CFDP1: variants seen among roughly 807,000 people sequenced by gnomAD.
CFDP1 encodes chromatin remodeling protein CFDP1, also known as heterochromatin-stabilizing protein CFDP1.
In CFDP1, 31 loss-of-function variants were observed where a neutral mutation model predicts 40.1. That is an observed-to-expected ratio of 0.77 (90% CI 0.58 to 1.04). The LOEUF is 1.04. Ranked by LOEUF, CFDP1 falls within the 50% of genes least tolerant of loss-of-function variation. The pLI, the probability that CFDP1 is intolerant of heterozygous loss-of-function variation, is 0.00. For missense variants in CFDP1, 423 were observed against 343.4 expected (o/e 1.23, Z -1.83); for synonymous variants, 167 against 120.0 (o/e 1.39, Z -2.56).
chr16:75,392,536 C>G (rs1214867292), intron 5 of CFDP1, among the ~76,000 whole-genome samples: 1 of 152,190 alleles, frequency 6.6e-6, no homozygotes, highest in Admixed American at 6.5e-5. Context: ...CTCCCTCTGT[C>G]GCCCAGGCGG....
intron 5 of CFDP1, among the ~76,000 whole-genome samples, chr16:75,336,854 T>C (rs1001848310): frequency 6.6e-6 from 1 of 152,254 alleles, no homozygotes; most frequent in Non-Finnish European, 1.5e-5. Context: ...TTTGTCTCTT[T>C]ATTAACAAAA....
Position 75,402,524 on chromosome 16 carries a change from A to G in CFDP1, c.531-7315T>C, listed in dbSNP as rs1004834830. On this transcript the variant is annotated intron_variant, in intron 4 of 6. Transcript: ENST00000283882. ...CAAAATGAAATGATCAAAGCCCAAA[A>G]TTTAACATTAAAATACAGTTAGAAA... Among the ~76,000 whole-genome samples the G allele has an allele frequency of 1.3e-5, 2 of 152,218 alleles. 1 individual carries two copies. Among genetic ancestry groups the G allele is most frequent in the South Asian group, 4.1e-4 (2 of 4,832 alleles).
chr16:75,419,424 G>A (rs925693193), intron 1 of CFDP1, among the ~76,000 whole-genome samples: 1 of 152,158 alleles, frequency 6.6e-6, no homozygotes, highest in Admixed American at 6.5e-5. Context: ...AAATACAGAA[G>A]AACCACAGAA....
At chr16:75,342,475 G>A (rs1756214312) in intron 5 of CFDP1, among the ~76,000 whole-genome samples, 1 of 152,160 alleles carries the variant, frequency 6.6e-6, no homozygotes, top group African/African-American at 2.4e-5. Context: ...CAGAAAGGCT[G>A]TAAAAGTTTG....
At chr16:75,405,520 G>T (rs1320931093) in intron 4 of CFDP1, among the ~76,000 whole-genome samples, 3 of 151,858 alleles carry the variant, frequency 2.0e-5, no homozygotes, top group African/African-American at 7.3e-5. Flanking sequence ...GGCTGAGGCG[G>T]GCAGATCATA....
intron 6 of CFDP1, among the ~76,000 whole-genome samples, chr16:75,295,656 G>A (rs1195341304): frequency 1.3e-5 from 2 of 152,180 alleles, no homozygotes; most frequent in Non-Finnish European, 2.9e-5. Flanking sequence ...CCGTCAATGA[G>A]GCCAGAATGG....
chr16:75,372,863 G>A (rs183497038), intron 5 of CFDP1, among the ~76,000 whole-genome samples: 372 of 152,238 alleles, frequency 2.4e-3, no homozygotes, highest in Non-Finnish European at 4.3e-3. Context: ...TGTGAGGGAG[G>A]AGAAAATAAA....
At chr16:75,433,008 C>T (rs942331036) in intron 1 of CFDP1, among the ~76,000 whole-genome samples, 1 of 152,208 alleles carries the variant, frequency 6.6e-6, no homozygotes, top group South Asian at 2.1e-4. Flanking sequence ...GACCGACGAG[C>T]GTCCCTAGCG....
At chr16:75,381,177 C>T (rs2078848914) in intron 5 of CFDP1, 1 of 152,050 alleles carries the variant, frequency 6.6e-6, no homozygotes, top group Non-Finnish European at 1.5e-5. Context: ...GAATGTAAGA[C>T]CCAGGGCCAG....
rs559675421 is a variant in CFDP1 at position 75,344,709 on chromosome 16, G to A, written c.651-39527C>T. Reference sequence around the variant, plus strand: ...AGCACTTTAGGAGGCCCAGATGGGTGGATCACAAGGTCAGGAGTTTGATAC... The same window carrying A: ...AGCACTTTAGGAGGCCCAGATGGGTAGATCACAAGGTCAGGAGTTTGATAC... On this transcript the variant is annotated intron_variant, in intron 5 of 6. Transcript: ENST00000283882. 3.9e-5 allele frequency among the ~76,000 whole-genome samples: 6 copies of A among 152,224 alleles called. No individual in the cohort carries two copies. The East Asian group carries it at 1.2e-3, about 29-fold the overall frequency.
At chr16:75,301,197 G>A (rs991275327) in intron 6 of CFDP1, among the ~76,000 whole-genome samples, 12 of 152,112 alleles carry the variant, frequency 7.9e-5, no homozygotes, top group African/African-American at 2.9e-4. Flanking sequence ...CAATAATCAC[G>A]AGAGGTATAT....
At chr16:75,321,610 T>C (rs2078364080) in intron 5 of CFDP1, among the ~76,000 whole-genome samples, 1 of 152,184 alleles carries the variant, frequency 6.6e-6, no homozygotes, top group Non-Finnish European at 1.5e-5. Flanking sequence ...TTTCTGCCTC[T>C]AGTGATAAGC....
At chr16:75,361,330 T>C (rs4888389) in intron 5 of CFDP1, among the ~76,000 whole-genome samples, 78,878 of 151,978 alleles carry the variant, frequency 0.52, 21,535 homozygotes, top group Admixed American at 0.64. Context: ...ATTGTTTAAA[T>C]TTAAAGCCGG....
At chr16:75,366,329 T>C (rs2078713420) in intron 5 of CFDP1, among the ~76,000 whole-genome samples, 1 of 152,236 alleles carries the variant, frequency 6.6e-6, no homozygotes, top group South Asian at 2.1e-4. Context: ...CATTCATTTT[T>C]GGATGAACTT....
At chr16:75,390,655 C>T (rs1303966543) in intron 5 of CFDP1, among the ~76,000 whole-genome samples, 1 of 152,180 alleles carries the variant, frequency 6.6e-6, no homozygotes, top group Non-Finnish European at 1.5e-5. Flanking sequence ...TTTAATAAGC[C>T]TCAGAGGGCA....
rs1380127684 is a variant in CFDP1 at position 75,354,499 on chromosome 16, T to G, written c.650+40591A>C. Among the ~76,000 whole-genome samples, 5 of 151,930 alleles carry G rather than the reference T, an allele frequency of 3.3e-5. No individual in the cohort carries two copies. The East Asian group carries it at 9.7e-4, about 29-fold the overall frequency. ...CACAGCCTTGGTGTTAAAAAAAAAATCCAAGACATATCTCCAAGAGAAGTG... is the reference window on the plus strand; with the variant it reads ...CACAGCCTTGGTGTTAAAAAAAAAAGCCAAGACATATCTCCAAGAGAAGTG... On this transcript the variant is annotated intron_variant, in intron 5 of 6. Transcript: ENST00000283882.
chr16:75,422,032 GA>G (rs901306213), intron 1 of CFDP1, among the ~76,000 whole-genome samples: 1 of 152,164 alleles, frequency 6.6e-6, no homozygotes, highest in Non-Finnish European at 1.5e-5. Context: ...TAATGACAAG[GA>G]AAAAAGTTTG....
chr16:75,422,463 G>T (rs541788129), intron 1 of CFDP1, among the ~76,000 whole-genome samples: 3 of 144,022 alleles, frequency 2.1e-5, no homozygotes, highest in Non-Finnish European at 4.5e-5. Context: ...GCAGTGGCAT[G>T]ATCTTGGCTC....
intron 5 of CFDP1, among the ~76,000 whole-genome samples, chr16:75,306,891 A>C (rs1011509082): frequency 7.0e-6 from 1 of 143,820 alleles, no homozygotes; most frequent in Non-Finnish European, 1.5e-5. Context: ...ACACACACAC[A>C]CACACACACA....
Sources: allele counts gnomAD v4.1 joint callset (sites outside exome capture counted in the v4.1 genomes callset), GRCh38; gene constraint gnomAD v4.1.1; transcripts MANE v1.5; gene names NCBI Gene and HGNC (gene_info 2026-07-23, HGNC 2026-07-21).